The following UNC80 variants were observed in gnomAD, a reference collection of about 807,000 sequenced individuals.
The protein encoded by UNC80 is protein unc-80 homolog.
A neutral mutation model predicts 384.6 loss-of-function variants in UNC80; 164 were observed. The ratio of observed to expected loss-of-function variants is 0.43; its 90% CI spans 0.38 to 0.49. The LOEUF is 0.49. UNC80 is among the 20% of genes least tolerant of loss of function. The pLI, the probability that UNC80 is intolerant of heterozygous loss-of-function variation, is 0.00. For missense variants in UNC80, 3,330 were observed against 4,143.0 expected, an observed-to-expected ratio of 0.80 and a Z score of 5.39; for synonymous variants, 1,486 against 1,527.8, an observed-to-expected ratio of 0.97 and a Z score of 0.64.
At chr2:209,833,955 C>G (rs573572019) in intron 16 of UNC80, 47 bp from the exon 17 acceptor site, 1 of 1,534,248 alleles carries the variant, frequency 6.5e-7, no homozygotes, top group East Asian at 2.5e-5. Flanking sequence ...ACTATTTAAT[C>G]ACACAGCTAT....
chr2:209,944,962 GTAA>G (rs1301411834), intron 45 of UNC80, 86 bp from the exon 46 acceptor site: 28 of 1,409,686 alleles, frequency 2.0e-5, no homozygotes, highest in Admixed American at 1.1e-4. Flanking sequence ...CTTGTTACTG[GTAA>G]TAGCATTTAT....
chr2:209,888,551 A>T (rs951391378), intron 26 of UNC80, among the ~76,000 whole-genome samples: 3 of 152,088 alleles, frequency 2.0e-5, no homozygotes, highest in African/African-American at 7.2e-5. Flanking sequence ...TTGAACTTTT[A>T]CATAATGCTC....
intron 48 of UNC80, chr2:209,954,560 A>G (rs2092328474): frequency 4.6e-6 from 1 of 217,680 alleles, no homozygotes; most frequent in Admixed American, 5.6e-5. Context: ...AGCAGTTATA[A>G]CCCAGTGGTA....
intron 22 of UNC80, among the ~76,000 whole-genome samples, chr2:209,855,481 T>A (rs2082839415): frequency 6.6e-6 from 1 of 151,890 alleles, no homozygotes; most frequent in Non-Finnish European, 1.5e-5. Flanking sequence ...TAAAATAAAA[T>A]GAAACAAAAT....
chr2:209,966,999 T>G (rs1186882060), intron 51 of UNC80, among the ~76,000 whole-genome samples: 2 of 152,200 alleles, frequency 1.3e-5, no homozygotes, highest in Admixed American at 6.5e-5. Context: ...CCATGAAATT[T>G]ACAAGGACGT....
chr2:209,890,181 C>G (rs577689005), intron 26 of UNC80, among the ~76,000 whole-genome samples: 1 of 152,034 alleles, frequency 6.6e-6, no homozygotes, highest in South Asian at 2.1e-4. Flanking sequence ...CTTTTCAACT[C>G]ACAGTTATCT....
Position 209,982,283 on chromosome 2 carries a change from C to T in UNC80, c.9223C>T (p.Pro3075Ser). Reference sequence around the variant, plus strand: ...CAGCCATGTCTCCAGCATGTCTGTACCTCAGGCTGAGGTGGGCATGCTACC... The same window carrying T: ...CAGCCATGTCTCCAGCATGTCTGTATCTCAGGCTGAGGTGGGCATGCTACC... ...FSSHVSSMSV[P>S]QAEVGMLPSQ... Residue 3075 changes from proline (P) to serine (S), a missense_variant, in exon 60 of 65, where the codon CCT becomes TCT. Around this residue, in one of 8 missense-constraint regions of UNC80, gnomAD observed 216 missense variants for 245.3 expected, o/e 0.88. Coordinates refer to ENST00000673920, the MANE Select transcript of UNC80 (RefSeq NM_001371986.1). 3 of 1,551,580 alleles carry T rather than the reference C, an allele frequency of 1.9e-6. No individual in the cohort carries two copies. Among genetic ancestry groups the T allele is most frequent in the Non-Finnish European group, 2.6e-6 (3 of 1,146,952 alleles).
chr2:209,802,692 T>C (rs1488641884), intron 7 of UNC80, among the ~76,000 whole-genome samples: 1 of 137,658 alleles, frequency 7.3e-6, no homozygotes, highest in African/African-American at 2.6e-5. Flanking sequence ...AACTTCTCTG[T>C]AACACACATT....
At chr2:209,789,481 A>G in intron 5 of UNC80, 51 bp from the exon 6 acceptor site, 1 of 1,251,276 alleles carries the variant, frequency 8.0e-7, no homozygotes, top group Non-Finnish European at 1.1e-6. Flanking sequence ...CTTATGAAAT[A>G]AAAAGAACTT....
chr2:209,988,365 TCTA>T (rs1302984063), intron 61 of UNC80, among the ~76,000 whole-genome samples: 3 of 152,190 alleles, frequency 2.0e-5, no homozygotes, highest in South Asian at 2.1e-4. Context: ...ACCTAGTGCT[TCTA>T]CTTAAATTTT....
intron 5 of UNC80, 123 bp downstream of exon 5, chr2:209,786,312 T>G (rs2077423523): frequency 7.8e-7 from 1 of 1,280,958 alleles, no homozygotes; most frequent in Admixed American, 2.5e-5. Context: ...TGTAGTTATT[T>G]AAGTGTCCTG....
intron 21 of UNC80, among the ~76,000 whole-genome samples, chr2:209,845,677 T>G (rs906096810): frequency 1.3e-5 from 2 of 152,200 alleles, no homozygotes; most frequent in Non-Finnish European, 2.9e-5. Context: ...CTGGAATATT[T>G]TATGTGCTTT....
intron 10 of UNC80, among the ~76,000 whole-genome samples, 186 bp downstream of exon 10, chr2:209,817,311 C>T (rs980253549): frequency 1.1e-4 from 17 of 151,986 alleles, no homozygotes; most frequent in African/African-American, 2.7e-4. Flanking sequence ...AGATAATTGA[C>T]GTAATTATGC....
rs144907425 is a variant in UNC80, at chr2:209,973,416, C to T, written c.8587+146C>T. 2.9e-4 allele frequency: 226 copies of T among 784,258 alleles called. 2 individuals carry two copies. In the African/African-American group the frequency reaches 3.7e-3, roughly 13 times the overall value. 48.6% of individuals were successfully genotyped at this position (784,258 alleles called of 1,614,324 possible). ...ACTCAGAAAGAATTTAGAGAGACCTCAAACCAGAATGTATTTAAAGAGACC... is the reference window on the plus strand; with the variant it reads ...ACTCAGAAAGAATTTAGAGAGACCTTAAACCAGAATGTATTTAAAGAGACC... On this transcript the variant is annotated intron_variant, in intron 56 of 64. Coordinates refer to ENST00000673920, the MANE Select transcript of UNC80 (RefSeq NM_001371986.1).
intron 25 of UNC80, among the ~76,000 whole-genome samples, chr2:209,884,090 AAGGGCAGC>A (rs1254501393): frequency 6.6e-6 from 1 of 152,206 alleles, no homozygotes; most frequent in Non-Finnish European, 1.5e-5. Flanking sequence ...AAAGAAAGGG[AAGGGCAGC>A]ATTTTTATAA....
chr2:209,927,008 T>A, intron 36 of UNC80, 22 bp downstream of exon 36: 1 of 1,550,722 alleles, frequency 6.4e-7, no homozygotes, highest in Middle Eastern at 1.7e-4. Context: ...AACAGTCAGA[T>A]CATCAGTGAC....
At chr2:209,922,507 T>A in intron 35 of UNC80, 124 bp downstream of exon 35, 3 of 1,231,378 alleles carry the variant, frequency 2.4e-6, no homozygotes, top group Non-Finnish European at 3.2e-6. Flanking sequence ...TGACTTGACA[T>A]TCTAAAAAAA....
chr2:209,783,974 C>T (rs1365905271), intron 4 of UNC80, among the ~76,000 whole-genome samples: 3 of 152,174 alleles, frequency 2.0e-5, no homozygotes, highest in Non-Finnish European at 4.4e-5. Context: ...TACTCGGTAT[C>T]TCTAGCTTAA....
intron 7 of UNC80, chr2:209,795,549 C>T (rs2098204): frequency 0.15 from 22,788 of 152,210 alleles, 2,499 homozygotes; most frequent in African/African-American, 0.3. Context: ...AGCAGCCCCT[C>T]CCATCACAGG....
Sources: gnomAD v4.1 joint callset for allele counts (sites outside exome capture counted in the v4.1 genomes callset) on GRCh38, gnomAD v4.1.1 for gene constraint, gnomAD v4.1.1 regional missense constraint, MANE v1.5 for transcripts, NCBI Gene and HGNC (gene_info 2026-07-23, HGNC 2026-07-21) for gene names.